CA4: variants seen among roughly 807,000 people sequenced by gnomAD.
The protein encoded by CA4 is carbonic anhydrase 4.
Under a neutral mutation model 34.5 loss-of-function variants are expected in CA4, and 24 were observed. That is an observed-to-expected ratio of 0.70 (90% CI 0.50 to 0.98). CA4 has a LOEUF of 0.98. Ranked by LOEUF, CA4 falls within the 50% of genes least tolerant of loss-of-function variation. The pLI, the probability that CA4 is intolerant of heterozygous loss-of-function variation, is 0.00. For synonymous variants in CA4, 178 were observed against 170.6 expected, an observed-to-expected ratio of 1.04 and a Z score of -0.34; for missense variants, 394 against 396.7, an observed-to-expected ratio of 0.99 and a Z score of 0.06.
Position 60,149,991 on chromosome 17 carries a change from G to T in CA4, c.-44G>T. 1.3e-6 allele frequency: 2 copies of T among 1,550,668 alleles called. No individual in the cohort carries two copies. The highest frequency in any genetic ancestry group is 8.8e-7 in the Non-Finnish European group (1 of 1,137,412). Reference sequence around the variant, plus strand: ...TCGCTGCACCCGCGGCGGCCTCCTCGGTGCGCGACCCCCGGCTCAGAGGAC... The same window carrying T: ...TCGCTGCACCCGCGGCGGCCTCCTCTGTGCGCGACCCCCGGCTCAGAGGAC... On this transcript the variant is annotated 5_prime_UTR_variant, in exon 1 of 8. Coordinates refer to ENST00000300900, the MANE Select transcript of CA4 (RefSeq NM_000717.5).
At chr17:60,168,714 G>A (rs539756015) in intron 5 of CA4, among the ~76,000 whole-genome samples, 4 of 152,274 alleles carry the variant, frequency 2.6e-5, no homozygotes, top group African/African-American at 4.8e-5. Flanking sequence ...CAGTGGTCAC[G>A]TTGGGTGAGG....
intron 5 of CA4, among the ~76,000 whole-genome samples, chr17:60,168,765 C>T (rs1313280268): frequency 1.7e-4 from 26 of 152,168 alleles, no homozygotes; most frequent in South Asian, 8.3e-4. Context: ...GAGGACACCA[C>T]GTGGCAGCTG....
chr17:60,151,963 C>A (rs2083598836), intron 1 of CA4, among the ~76,000 whole-genome samples: 1 of 151,946 alleles, frequency 6.6e-6, no homozygotes, highest in African/African-American at 2.4e-5. Context: ...TTGTGCTGAG[C>A]TGTTTTTCAG....
At chr17:60,168,608 G>C (rs1047719651) in intron 5 of CA4, among the ~76,000 whole-genome samples, 1 of 151,484 alleles carries the variant, frequency 6.6e-6, no homozygotes, top group Admixed American at 6.6e-5. Context: ...GTGGAAATAC[G>C]AACAGCTCTG....
downstream of CA4, chr17:60,159,628 G>A: frequency 1.6e-6 from 1 of 642,796 alleles, no homozygotes; most frequent in East Asian, 2.7e-5. Flanking sequence ...CTGTTCCAGG[G>A]CGGGGGCTTT....
intron 5 of CA4, among the ~76,000 whole-genome samples, chr17:60,164,661 G>T (rs112041550): frequency 0.023 from 3,466 of 152,188 alleles, 139 homozygotes; most frequent in African/African-American, 0.079. Context: ...AAAGTGCTGG[G>T]ATTATAGGCA....
the CA4 span, among the ~76,000 whole-genome samples, chr17:60,176,724 A>G: frequency 6.6e-6 from 1 of 152,134 alleles, no homozygotes; most frequent in Non-Finnish European, 1.5e-5. Context: ...ACTCTACATC[A>G]GTGGTTGCCA....
chr17:60,175,275 A>G (rs1468591996), downstream of CA4, among the ~76,000 whole-genome samples: 1 of 148,574 alleles, frequency 6.7e-6, no homozygotes, highest in Non-Finnish European at 1.5e-5. Flanking sequence ...TAGCTTTTTA[A>G]AAGACAGCCT....
Position 60,149,977 on chromosome 17 carries a change from G to A in CA4, c.-58G>A. The A allele has an allele frequency of 1.4e-6, 2 of 1,418,132 alleles. No homozygotes were observed. Among genetic ancestry groups the A allele is most frequent in the Non-Finnish European group, 2.0e-6 (2 of 1,021,022 alleles). The allele number at this position is 1,418,132 out of a possible 1,614,324, so 87.8% of individuals were successfully genotyped here. A position where few individuals can be genotyped will look rare whatever the true frequency, so the allele number is the denominator to read the frequency against. On this transcript the variant is annotated 5_prime_UTR_variant, in exon 1 of 8. Transcript: ENST00000300900. Reference sequence around the variant, plus strand: ...CCAGGCCGGCAGGATCGCTGCACCCGCGGCGGCCTCCTCGGTGCGCGACCC... The same window carrying A: ...CCAGGCCGGCAGGATCGCTGCACCCACGGCGGCCTCCTCGGTGCGCGACCC...
chr17:60,169,262 A>AAGCAGCAGC (rs75260260), intron 5 of CA4, among the ~76,000 whole-genome samples: 13 of 149,660 alleles, frequency 8.7e-5, no homozygotes, highest in African/African-American at 2.5e-4. Context: ...AAAAAAAAAA[A>AAGCAGCAGC]AGCAGCAGCA....
At chr17:60,174,959 G>A (rs994381416), downstream of CA4, among the ~76,000 whole-genome samples, 2 of 152,160 alleles carry the variant, frequency 1.3e-5, no homozygotes, top group African/African-American at 4.8e-5. Context: ...CTGGGAGGCC[G>A]AAGACCTCTC....
At chr17:60,173,292 C>A (rs907025286), downstream of CA4, among the ~76,000 whole-genome samples, 6 of 152,348 alleles carry the variant, frequency 3.9e-5, no homozygotes, top group Middle Eastern at 3.4e-3. Flanking sequence ...ACTGGCCTGA[C>A]CTTCAAAGGC....
intron 6 of CA4, 37 bp downstream of exon 6, chr17:60,158,164 G>T (rs758764600): frequency 1.2e-6 from 2 of 1,612,028 alleles, no homozygotes; most frequent in African/African-American, 1.3e-5. Flanking sequence ...TGGGGTGAGG[G>T]GGGGGATTCC....
chr17:60,168,243 C>CG (rs1295726122), intron 5 of CA4, among the ~76,000 whole-genome samples: 9 of 9,276 alleles, frequency 9.7e-4, no homozygotes, highest in African/African-American at 4.4e-3. Flanking sequence ...TTCTTTTTTT[C>CG]GGGGGGGAGG....
At chr17:60,174,628 A>G (rs1002164932), downstream of CA4, among the ~76,000 whole-genome samples, 1 of 152,150 alleles carries the variant, frequency 6.6e-6, no homozygotes, top group Non-Finnish European at 1.5e-5. Context: ...AGTCTGGCAA[A>G]CTTAAAAGGC....
intron 2 of CA4, 92 bp from the exon 3 acceptor site, chr17:60,156,468 C>T: frequency 1.5e-6 from 2 of 1,292,002 alleles, no homozygotes; most frequent in Non-Finnish European, 1.1e-6. Context: ...TGTGTGGGAA[C>T]TGAGTGGGTG....
chr17:60,162,750 C>T (rs563545982), downstream of CA4, among the ~76,000 whole-genome samples: 8 of 152,290 alleles, frequency 5.3e-5, no homozygotes, highest in Admixed American at 4.6e-4. Context: ...GGCCGTGCTG[C>T]AATCCCATTG....
At chr17:60,158,167 G>A (rs755793430) in intron 6 of CA4, 40 bp downstream of exon 6, 2 of 1,611,786 alleles carry the variant, frequency 1.2e-6, no homozygotes, top group African/African-American at 2.7e-5. Flanking sequence ...GGTGAGGGGG[G>A]GGATTCCTCC....
At chr17:60,168,230 G>C (rs368592358) in intron 5 of CA4, among the ~76,000 whole-genome samples, 22 of 107,746 alleles carry the variant, frequency 2.0e-4, no homozygotes, top group African/African-American at 6.5e-4. Context: ...GGGGAAGGGT[G>C]ATTTCTTTTT....
Sources: gnomAD v4.1 joint callset for allele counts (sites outside exome capture counted in the v4.1 genomes callset) on GRCh38, gnomAD v4.1.1 for gene constraint, MANE v1.5 for transcripts, NCBI Gene and HGNC (gene_info 2026-07-23, HGNC 2026-07-21) for gene names.